Variants in CNTN1 observed in about 807,000 individuals in gnomAD.
The protein encoded by CNTN1 is contactin 1, also known as contactin-1.
In CNTN1, 38 loss-of-function variants were observed where a neutral mutation model predicts 126.4. The ratio of observed to expected loss-of-function variants is 0.30; its 90% CI spans 0.23 to 0.39. The LOEUF is 0.39. Among genes scored for constraint, CNTN1 ranks in the 10% least tolerant of loss-of-function variants. The pLI is 1.00. For missense variants in CNTN1, 1,009 were observed against 1,248.4 expected (o/e 0.81, Z 2.89); for synonymous variants, 413 against 422.6 (o/e 0.98, Z 0.28).
chr12:41,053,984 T>C (rs568198075), intron 23 of CNTN1, among the ~76,000 whole-genome samples: 2 of 151,888 alleles, frequency 1.3e-5, no homozygotes, highest in South Asian at 2.1e-4. Context: ...CACTAATCAA[T>C]ATTCTATAAG....
At chr12:40,845,231 G>C (rs1343383071) in intron 1 of CNTN1, among the ~76,000 whole-genome samples, 1 of 152,134 alleles carries the variant, frequency 6.6e-6, no homozygotes, top group Non-Finnish European at 1.5e-5. Flanking sequence ...GTAAAGGTGA[G>C]AAACTTGAAA....
chr12:40,988,848 T>C (rs1948030922), intron 16 of CNTN1, among the ~76,000 whole-genome samples: 1 of 152,196 alleles, frequency 6.6e-6, no homozygotes, highest in African/African-American at 2.4e-5. Flanking sequence ...GAGAGATGCC[T>C]CTAACAGGCA....
chr12:41,001,910 C>G (rs1159300489), intron 17 of CNTN1, among the ~76,000 whole-genome samples: 3 of 152,048 alleles, frequency 2.0e-5, no homozygotes, highest in Non-Finnish European at 2.9e-5. Flanking sequence ...TTTTTGTCAG[C>G]TTTTTCAAAA....
At chr12:40,925,599 A>ACG (rs1379164654) in intron 6 of CNTN1, among the ~76,000 whole-genome samples, 2 of 145,846 alleles carry the variant, frequency 1.4e-5, no homozygotes, top group African/African-American at 5.0e-5. Context: ...ATGTATATAT[A>ACG]TATATACGTG....
chr12:40,772,754 C>T (rs1244156190), intron 1 of CNTN1, among the ~76,000 whole-genome samples: 1 of 151,696 alleles, frequency 6.6e-6, no homozygotes, highest in African/African-American at 2.4e-5. Context: ...AATCAATGCG[C>T]CAGATAAACT....
At chr12:40,807,451 G>T (rs1226217574) in intron 1 of CNTN1, among the ~76,000 whole-genome samples, 1 of 152,106 alleles carries the variant, frequency 6.6e-6, no homozygotes, top group East Asian at 1.9e-4. Flanking sequence ...GAGGGCGAAA[G>T]GTGGCTCTAG....
chr12:40,811,511 A>G (rs73116760), intron 1 of CNTN1, among the ~76,000 whole-genome samples: 3,460 of 152,212 alleles, frequency 0.023, 127 homozygotes, highest in African/African-American at 0.078. Flanking sequence ...GTTTGGTAGA[A>G]TTCACCAGTA....
chr12:41,006,117 C>T (rs1948487069), intron 17 of CNTN1, among the ~76,000 whole-genome samples: 1 of 152,000 alleles, frequency 6.6e-6, no homozygotes, highest in Admixed American at 6.5e-5. Flanking sequence ...ATTTGATGAC[C>T]TTGAGGGTTT....
Position 41,025,140 on chromosome 12 carries a change from A to G in CNTN1, c.2524-10A>G, listed in dbSNP as rs766665164. On this transcript the variant is annotated splice_polypyrimidine_tract_variant and intron_variant, in intron 20 of 23. Transcript: ENST00000551295. ...CATGGCAAAATATAACTCATCCTGA[A>G]TGTTTGCAGATTCGGTATTGGGCTG... 1.9e-6 allele frequency: 3 copies of G among 1,613,654 alleles called. No individual in the cohort carries two copies. The highest frequency in any genetic ancestry group is 4.5e-5 in the East Asian group (2 of 44,876).
At chr12:40,721,568 T>C (rs1942213904) in intron 1 of CNTN1, among the ~76,000 whole-genome samples, 1 of 151,476 alleles carries the variant, frequency 6.6e-6, no homozygotes, top group Non-Finnish European at 1.5e-5. Flanking sequence ...ATTATTATTA[T>C]ACTTTAAGTT....
At chr12:41,017,498 A>G (rs1198345678) in intron 19 of CNTN1, among the ~76,000 whole-genome samples, 2 of 151,866 alleles carry the variant, frequency 1.3e-5, no homozygotes, top group African/African-American at 4.8e-5. Flanking sequence ...ACTTTTTATT[A>G]CAATACAGAA....
chr12:41,003,034 G>A (rs1592386255), intron 17 of CNTN1, among the ~76,000 whole-genome samples: 2 of 152,272 alleles, frequency 1.3e-5, no homozygotes, highest in East Asian at 3.9e-4. Context: ...TTTTCAAGGT[G>A]AATGATTCCA....
intron 15 of CNTN1, chr12:40,971,400 A>C (rs759308869): frequency 1.3e-6 from 2 of 1,572,952 alleles, no homozygotes; most frequent in Admixed American, 3.4e-5. Flanking sequence ...GGGCATCCAC[A>C]CTCTCCCTTC....
At chr12:41,031,069 T>C (rs1270602649) in intron 23 of CNTN1, among the ~76,000 whole-genome samples, 10 of 152,174 alleles carry the variant, frequency 6.6e-5, no homozygotes, top group Admixed American at 1.3e-4. Context: ...TTGCTCTCTG[T>C]ACTCACCCTT....
rs1240268759 is a variant in CNTN1 at position 40,696,786 on chromosome 12, A to T, written c.-77+4194A>T. On this transcript the variant is annotated intron_variant, in intron 1 of 23. Transcript: ENST00000551295. ...AATAATATCTTATTATTATAAGGACATCTAAAATCATTAAAGAAATACTGG... is the reference window on the plus strand; with the variant it reads ...AATAATATCTTATTATTATAAGGACTTCTAAAATCATTAAAGAAATACTGG... Among the ~76,000 whole-genome samples the T allele has an allele frequency of 3.3e-5, 5 of 152,220 alleles. No individual in the cohort carries two copies. In the East Asian group the frequency reaches 7.7e-4, roughly 23 times the overall value.
At chr12:40,760,775 T>C (rs2136415638) in intron 1 of CNTN1, among the ~76,000 whole-genome samples, 2 of 152,182 alleles carry the variant, frequency 1.3e-5, no homozygotes, top group Middle Eastern at 6.8e-3. Context: ...TATCCCCTTA[T>C]AGGTGACAAC....
intron 1 of CNTN1, among the ~76,000 whole-genome samples, chr12:40,835,167 A>G (rs995204783): frequency 2.1e-4 from 32 of 152,198 alleles, no homozygotes; most frequent in Middle Eastern, 3.2e-3. Context: ...GAGGATAAAG[A>G]AGACCATTAC....
chr12:40,908,943 G>C (rs1565926094), intron 2 of CNTN1, among the ~76,000 whole-genome samples: 1 of 152,066 alleles, frequency 6.6e-6, no homozygotes. Context: ...TGGGTTTTAA[G>C]CATTTATTCC....
chr12:41,045,880 C>G (rs1268864788), intron 23 of CNTN1, among the ~76,000 whole-genome samples: 1 of 152,112 alleles, frequency 6.6e-6, no homozygotes, highest in East Asian at 1.9e-4. Flanking sequence ...GGCCTGCATA[C>G]TTGACTCTCA....
Sources: allele counts gnomAD v4.1 joint callset (sites outside exome capture counted in the v4.1 genomes callset), GRCh38; gene constraint gnomAD v4.1.1; transcripts MANE v1.5; gene names NCBI Gene and HGNC (gene_info 2026-07-23, HGNC 2026-07-21).